Variants in NFIA observed in about 807,000 individuals in gnomAD.
NFIA encodes nuclear factor 1 A-type.
Under a neutral mutation model 62.8 loss-of-function variants are expected in NFIA, and 8 were observed. The ratio of observed to expected loss-of-function variants is 0.13; its 90% CI spans 0.07 to 0.23. The LOEUF is 0.23. Among genes scored for constraint, NFIA ranks in the 10% least tolerant of loss-of-function variants. NFIA has a pLI of 1.00. For synonymous variants in NFIA, 235 were observed against 238.1 expected (o/e 0.99, Z 0.12); for missense variants, 410 against 642.1 (o/e 0.64, Z 3.91).
chr1:61,427,017 G>T (rs566938865), intron 10 of NFIA, among the ~76,000 whole-genome samples: 2 of 152,276 alleles, frequency 1.3e-5, no homozygotes, highest in East Asian at 3.9e-4. Flanking sequence ...GGAGAAAAGG[G>T]TATATGAGCC....
At chr1:61,081,105 T>C (rs1001846567), upstream of NFIA, among the ~76,000 whole-genome samples, 2 of 152,174 alleles carry the variant, frequency 1.3e-5, no homozygotes, top group African/African-American at 4.8e-5. Context: ...TACCTACCTC[T>C]TTCCTTTTGG....
chr1:61,224,912 G>A (rs950960904), intron 2 of NFIA, among the ~76,000 whole-genome samples: 4 of 152,068 alleles, frequency 2.6e-5, no homozygotes, highest in Non-Finnish European at 4.4e-5. Flanking sequence ...CATTTCATGA[G>A]GCACTAAAGT....
At chr1:61,207,108 T>C (rs1652949087) in intron 2 of NFIA, among the ~76,000 whole-genome samples, 1 of 152,176 alleles carries the variant, frequency 6.6e-6, no homozygotes, top group African/African-American at 2.4e-5. Context: ...GAGGGAATGG[T>C]TCTGCTGAGG....
At chr1:61,402,427 C>T (rs999126683) in intron 7 of NFIA, among the ~76,000 whole-genome samples, 3 of 152,102 alleles carry the variant, frequency 2.0e-5, no homozygotes, top group African/African-American at 4.8e-5. Flanking sequence ...CTATGTTTAA[C>T]GGTATGATTA....
At chr1:61,317,693 GA>G (rs886692834) in intron 3 of NFIA, among the ~76,000 whole-genome samples, 1 of 151,714 alleles carries the variant, frequency 6.6e-6, no homozygotes, top group Non-Finnish European at 1.5e-5. Context: ...ACTTTTATAA[GA>G]ATACTTGCAT....
At chr1:61,357,205 G>T (rs946290778) in intron 5 of NFIA, among the ~76,000 whole-genome samples, 1 of 152,156 alleles carries the variant, frequency 6.6e-6, no homozygotes, top group Admixed American at 6.5e-5. Context: ...TTCCTGATAG[G>T]CTCCTCCCTT....
At chr1:61,454,760 A>G (rs1190792369) in intron 10 of NFIA, among the ~76,000 whole-genome samples, 1 of 152,146 alleles carries the variant, frequency 6.6e-6, no homozygotes, top group Non-Finnish European at 1.5e-5. Context: ...TTGTGTCGCT[A>G]TTGACCATCT....
chr1:61,250,790 A>G (rs551314851), intron 2 of NFIA, among the ~76,000 whole-genome samples: 3 of 152,354 alleles, frequency 2.0e-5, no homozygotes, highest in Non-Finnish European at 4.4e-5. Context: ...GTAAGAAATT[A>G]TGTTTAATAT....
chr1:61,247,062 T>C (rs1456364659), intron 2 of NFIA, among the ~76,000 whole-genome samples: 1 of 152,220 alleles, frequency 6.6e-6, no homozygotes, highest in Non-Finnish European at 1.5e-5. Context: ...GTAATTTTCA[T>C]ACATCATCTG....
rs865795802 is a variant in NFIA at position 61,461,356 on chromosome 1, A to T, written c.*6036A>T. 27 of 152,386 alleles carry T rather than the reference A, an allele frequency of 1.8e-4. No homozygotes were observed. Among genetic ancestry groups the T allele is most frequent in the African/African-American group, 5.8e-4 (24 of 41,594 alleles). The allele number at this position is 152,386 out of a possible 1,614,324, so 9.4% of individuals were successfully genotyped here. On this transcript the variant is annotated 3_prime_UTR_variant, in exon 11 of 11. Coordinates refer to ENST00000403491, the MANE Select transcript of NFIA (RefSeq NM_001134673.4). ...CACAGTTGCAATATTTTCTTCAAAA[A>T]TAAAACTCTGTACAAACTTTGGGCC...
intron 7 of NFIA, among the ~76,000 whole-genome samples, chr1:61,385,353 A>G (rs1664625958): frequency 1.3e-5 from 2 of 152,240 alleles, no homozygotes; most frequent in Admixed American, 1.3e-4. Flanking sequence ...TAAGTTAGTA[A>G]GAACTGAGAA....
chr1:61,212,107 A>T (rs898013997), intron 2 of NFIA, among the ~76,000 whole-genome samples: 5 of 152,252 alleles, frequency 3.3e-5, no homozygotes, highest in African/African-American at 4.8e-5. Flanking sequence ...TTGTTTGTGG[A>T]TTTTTAAGTA....
chr1:61,250,362 A>G (rs924302473), intron 2 of NFIA, among the ~76,000 whole-genome samples: 14 of 152,188 alleles, frequency 9.2e-5, no homozygotes, highest in Non-Finnish European at 2.1e-4. Context: ...AGATTGGAAG[A>G]CCTTTCTCCA....
chr1:61,247,649 C>T lies in NFIA; in HGVS notation c.560-29871C>T, dbSNP rs562564783. Among the ~76,000 whole-genome samples the T allele has an allele frequency of 3.9e-5, 6 of 152,224 alleles. No homozygotes were observed. The South Asian group carries it at 8.3e-4, about 21-fold the overall frequency. Reference sequence around the variant, plus strand: ...GGAGGTGAGAGGGATGCCCTCGGGCCGTTGCTGACATCTGGTCACCACTCC... The same window carrying T: ...GGAGGTGAGAGGGATGCCCTCGGGCTGTTGCTGACATCTGGTCACCACTCC... On this transcript the variant is annotated intron_variant, in intron 2 of 10. Coordinates refer to ENST00000403491, the MANE Select transcript of NFIA (RefSeq NM_001134673.4).
chr1:61,287,624 G>A (rs1202318067), intron 3 of NFIA, among the ~76,000 whole-genome samples: 2 of 151,896 alleles, frequency 1.3e-5, no homozygotes, highest in Non-Finnish European at 2.9e-5. Context: ...GGGCAACATG[G>A]CAAAACCCGT....
intron 3 of NFIA, among the ~76,000 whole-genome samples, chr1:61,315,011 T>G (rs1260993181): frequency 2.0e-5 from 3 of 152,102 alleles, no homozygotes; most frequent in African/African-American, 4.8e-5. Context: ...TAGAGAAACA[T>G]TTTAGGTTTA....
chr1:61,209,494 T>C (rs977859242), intron 2 of NFIA, among the ~76,000 whole-genome samples: 6 of 152,120 alleles, frequency 3.9e-5, no homozygotes, highest in Admixed American at 3.9e-4. Flanking sequence ...TAAACAAACA[T>C]CTTTATTTTT....
chr1:61,425,326 G>GA (rs535984751), intron 9 of NFIA, among the ~76,000 whole-genome samples: 58 of 149,336 alleles, frequency 3.9e-4, no homozygotes, highest in African/African-American at 9.5e-4. Flanking sequence ...TGTCAATAAG[G>GA]AAAAAAAAAA....
chr1:61,247,484 C>G lies in NFIA; in HGVS notation c.560-30036C>G, dbSNP rs564985053. Among the ~76,000 whole-genome samples the G allele has an allele frequency of 2.0e-5, 3 of 152,148 alleles. No homozygotes were observed. The East Asian group carries it at 5.8e-4, about 29-fold the overall frequency. On this transcript the variant is annotated intron_variant, in intron 2 of 10. Transcript: ENST00000403491. ...AGGGTCAGCTCATTAAAGCTACTTT[C>G]TGGGTCCTCGTTAATGTCATGCAGG... is the stretch of plus-strand genomic sequence containing the variant.
Sources: gnomAD v4.1 joint callset for allele counts (sites outside exome capture counted in the v4.1 genomes callset) on GRCh38, gnomAD v4.1.1 for gene constraint, MANE v1.5 for transcripts, NCBI Gene and HGNC (gene_info 2026-07-23, HGNC 2026-07-21) for gene names.